The following PCDHGA3 variants were observed in gnomAD, a reference collection of about 807,000 sequenced individuals.
PCDHGA3 encodes the protein protocadherin gamma-A3.
In PCDHGA3, 40 loss-of-function variants were observed where a neutral mutation model predicts 58.5. The ratio of observed to expected loss-of-function variants is 0.68; its 90% CI spans 0.53 to 0.89. The LOEUF (loss-of-function observed/expected upper bound fraction) is 0.89. Among genes scored for constraint, PCDHGA3 ranks in the 40% least tolerant of loss-of-function variants. PCDHGA3 has a pLI of 0.00. For missense variants in PCDHGA3, 1,223 were observed against 1,195.9 expected (o/e 1.02, Z -0.33); for synonymous variants, 530 against 525.7 (o/e 1.01, Z -0.11).
At chr5:141,404,616 A>G (rs940307932) in intron 1 of PCDHGA3, 3 of 1,614,168 alleles carry the variant, frequency 1.9e-6, no homozygotes, top group Non-Finnish European at 2.5e-6. Flanking sequence ...GTTTTGGACC[A>G]GAATGACAAT....
At chr5:141,415,772 T>TTTTTTA in intron 1 of PCDHGA3, 1 of 1,332,986 alleles carries the variant, frequency 7.5e-7, no homozygotes, top group Non-Finnish European at 9.6e-7. Flanking sequence ...TTTTTTTTTT[T>TTTTTTA]ACTTTCTGGT....
intron 3 of PCDHGA3, among the ~76,000 whole-genome samples, chr5:141,505,765 T>C (rs970212345): frequency 5.3e-5 from 8 of 151,922 alleles, no homozygotes; most frequent in African/African-American, 1.9e-4. Flanking sequence ...ACAGTGTAGC[T>C]CAGGTCCTAG....
intron 1 of PCDHGA3, chr5:141,362,422 A>G: frequency 2.5e-6 from 4 of 1,614,016 alleles, no homozygotes; most frequent in African/African-American, 2.7e-5. Flanking sequence ...ATCAGCCAAG[A>G]CAGAGTTCAA....
Position 141,487,686 on chromosome 5 carries a change from T to G in PCDHGA3, c.2425-7121T>G, listed in dbSNP as rs778973495. The G allele has an allele frequency of 4.4e-6, 7 of 1,605,914 alleles. 1 individual carries two copies. The African/African-American group carries it at 9.4e-5, about 21-fold the overall frequency. On this transcript the variant is annotated intron_variant, in intron 1 of 3. Coordinates refer to ENST00000253812, the MANE Select transcript of PCDHGA3 (RefSeq NM_018916.4). The surrounding 1 kb of genome is among the most constrained non-coding windows in gnomAD (Gnocchi z 5.0). Reference sequence around the variant, plus strand: ...CCAGGCATATGGCTAGGCCATGTCCTAGAGAGTACTGGCCTCTCAGTAAGT... The same window carrying G: ...CCAGGCATATGGCTAGGCCATGTCCGAGAGAGTACTGGCCTCTCAGTAAGT...
intron 1 of PCDHGA3, among the ~76,000 whole-genome samples, chr5:141,407,155 TG>T (rs1451933301): frequency 1.3e-5 from 2 of 152,232 alleles, no homozygotes; most frequent in Non-Finnish European, 2.9e-5. Flanking sequence ...CTGAAGTGTC[TG>T]GGAATCCTTT....
chr5:141,351,481 C>T, intron 1 of PCDHGA3: 1 of 1,613,934 alleles, frequency 6.2e-7, no homozygotes, highest in Non-Finnish European at 8.5e-7. Flanking sequence ...GAGCCCTAAA[C>T]CGGGAGCAGA....
Position 141,343,903 on chromosome 5 carries a change from C to T in PCDHGA3, c.-131C>T, listed in dbSNP as rs1482315579. On this transcript the variant is annotated 5_prime_UTR_variant, in exon 1 of 4. Transcript: ENST00000253812. Reference sequence around the variant, plus strand: ...AGATCCGGGGCGGCTGCCAACCTCACCTCTTAGTCAACCAGCTGTTTGACC... The same window carrying T: ...AGATCCGGGGCGGCTGCCAACCTCATCTCTTAGTCAACCAGCTGTTTGACC... The T allele has an allele frequency of 2.4e-6, 2 of 839,676 alleles. No homozygotes were observed. Among genetic ancestry groups the T allele is most frequent in the African/African-American group, 1.7e-5 (1 of 57,808 alleles). The allele number at this position is 839,676 out of a possible 1,614,324, so 52.0% of individuals were successfully genotyped here.
chr5:141,479,490 G>A (rs1334340000), intron 1 of PCDHGA3: 1 of 152,248 alleles, frequency 6.6e-6, no homozygotes, highest in Non-Finnish European at 1.5e-5. Context: ...AGGACCATCA[G>A]GTTGCCTAAA....
In PCDHGA3 at chr5:141,476,833, C is replaced by T. The variant is rs746365316; in HGVS notation, c.2425-17974C>T. 1.4e-5 allele frequency: 23 copies of T among 1,613,524 alleles called. No homozygotes were observed. Among genetic ancestry groups the T allele is most frequent in the Non-Finnish European group, 1.9e-5 (23 of 1,180,050 alleles). On this transcript the variant is annotated intron_variant, in intron 1 of 3. Coordinates refer to ENST00000253812, the MANE Select transcript of PCDHGA3 (RefSeq NM_018916.4). The surrounding 1 kb of genome is among the most constrained non-coding windows in gnomAD (Gnocchi z 7.6). Reference sequence around the variant, plus strand: ...ACATCAAGGTGCTGGACGCGAATGACAATGCGCCTGTCTTCAACCAGTCCT... The same window carrying T: ...ACATCAAGGTGCTGGACGCGAATGATAATGCGCCTGTCTTCAACCAGTCCT...
intron 1 of PCDHGA3, chr5:141,409,714 CG>C: frequency 6.2e-7 from 1 of 1,613,226 alleles, no homozygotes; most frequent in Non-Finnish European, 8.5e-7. Flanking sequence ...TGTCGTCATA[CG>C]TGTCAGTGAG....
At position 141,486,315 on chromosome 5, in the gene PCDHGA3, C is replaced by T. The variant is rs1432435944; in HGVS notation, c.2425-8492C>T. The T allele has an allele frequency of 6.2e-7, 1 of 1,614,066 alleles. No individual in the cohort carries two copies. Among genetic ancestry groups the T allele is most frequent in the East Asian group, 2.2e-5 (1 of 44,862 alleles). ...AGTGTGCAGGATCCAGACTCAGGGT[C>T]AAACGGAGATGTGAGCCTCCGCATT... On this transcript the variant is annotated intron_variant, in intron 1 of 3. Transcript: ENST00000253812. The surrounding 1 kb of genome is among the most constrained non-coding windows in gnomAD (Gnocchi z 5.0).
At position 141,493,444 on chromosome 5, in the gene PCDHGA3, G is replaced by T. The variant is rs2099748313; in HGVS notation, c.2425-1363G>T. On this transcript the variant is annotated intron_variant, in intron 1 of 3. Transcript: ENST00000253812. This position sits in a 1 kb window ranked among gnomAD's most constrained non-coding sequence, Gnocchi z 4.3. ...GCTTCTGCTGGGATGGGGCAAGGGT[G>T]GGGTTCCTTCCCTTTTAGGACCTTA... Among the ~76,000 whole-genome samples, 1 of 152,174 alleles carries T rather than the reference G, an allele frequency of 6.6e-6. No homozygotes were observed. Among genetic ancestry groups the T allele is most frequent in the South Asian group, 2.1e-4 (1 of 4,826 alleles).
intron 1 of PCDHGA3, among the ~76,000 whole-genome samples, chr5:141,451,364 C>T (rs970149151): frequency 3.9e-5 from 6 of 152,078 alleles, no homozygotes; most frequent in Middle Eastern, 3.2e-3. Context: ...AGGATGGATC[C>T]GCTTCTAATC....
rs201424832 is a variant in PCDHGA3 at position 141,490,802 on chromosome 5, C to T, written c.2425-4005C>T. On this transcript the variant is annotated intron_variant, in intron 1 of 3. Transcript: ENST00000253812. This position sits in a 1 kb window ranked among gnomAD's most constrained non-coding sequence, Gnocchi z 5.4. Reference sequence around the variant, plus strand: ...GATGGACGGATCTTTGCCCAGCGTACCTTTGACTATGAATTGCTGCAGATG... The same window carrying T: ...GATGGACGGATCTTTGCCCAGCGTATCTTTGACTATGAATTGCTGCAGATG... 1 of 1,613,944 alleles carries T rather than the reference C, an allele frequency of 6.2e-7. No homozygotes were observed. Among genetic ancestry groups the T allele is most frequent in the East Asian group, 2.2e-5 (1 of 44,886 alleles).
intron 1 of PCDHGA3, among the ~76,000 whole-genome samples, chr5:141,358,328 A>G (rs1257521000): frequency 1.3e-5 from 2 of 152,318 alleles, no homozygotes; most frequent in East Asian, 1.9e-4. Flanking sequence ...TCATGAAGCT[A>G]TTGTTGGATC....
chr5:141,419,514 T>C (rs1180212485), intron 1 of PCDHGA3: 1 of 1,612,266 alleles, frequency 6.2e-7, no homozygotes, highest in Admixed American at 1.7e-5. Context: ...CGCGTGTTGG[T>C]GGGCGACCGT....
At chr5:141,400,681 T>C in intron 1 of PCDHGA3, 1 of 834,118 alleles carries the variant, frequency 1.2e-6, no homozygotes, top group Non-Finnish European at 1.9e-6. Flanking sequence ...CAGTAAATTG[T>C]GAGTTTTTAT....
intron 1 of PCDHGA3, chr5:141,361,238 T>C: frequency 1.2e-6 from 2 of 1,613,980 alleles, no homozygotes; most frequent in South Asian, 2.2e-5. Context: ...GTGATCGCCT[T>C]GATAAAAACG....
Position 141,343,949 on chromosome 5 carries a change from G to T in PCDHGA3, c.-85G>T. On this transcript the variant is annotated 5_prime_UTR_variant, in exon 1 of 4. Coordinates refer to ENST00000253812, the MANE Select transcript of PCDHGA3 (RefSeq NM_018916.4). ...TGACCTGTGAATTAGGCCCGTAAAAGACTTCGTTTCTTGAGAAAATAAGAT... is the reference window on the plus strand; with the variant it reads ...TGACCTGTGAATTAGGCCCGTAAAATACTTCGTTTCTTGAGAAAATAAGAT... The T allele has an allele frequency of 2.3e-6, 3 of 1,293,370 alleles. No individual in the cohort carries two copies. The South Asian group carries it at 4.9e-5, about 21-fold the overall frequency. 80.1% of individuals were successfully genotyped at this position (1,293,370 alleles called of 1,614,324 possible).
Sources: allele counts gnomAD v4.1 joint callset (sites outside exome capture counted in the v4.1 genomes callset), GRCh38; gene constraint gnomAD v4.1.1; non-coding constraint Gnocchi (gnomAD v3.1); transcripts MANE v1.5; gene names NCBI Gene and HGNC (gene_info 2026-07-23, HGNC 2026-07-21).